The following ENKUR variants were observed in gnomAD, a reference collection of about 807,000 sequenced individuals.
ENKUR encodes enkurin, TRPC channel interacting protein.
Under a neutral mutation model 27.6 loss-of-function variants are expected in ENKUR, and 19 were observed. The observed-to-expected ratio is 0.69, with a 90% CI of 0.48 to 1.01. The LOEUF is 1.01. Among genes scored for constraint, ENKUR ranks in the 50% least tolerant of loss-of-function variants. The pLI is 0.00. For missense variants in ENKUR, 312 were observed against 310.5 expected, an observed-to-expected ratio of 1.00 and a Z score of -0.04; for synonymous variants, 117 against 96.9, an observed-to-expected ratio of 1.21 and a Z score of -1.22.
intron 2 of ENKUR, chr10:25,025,072 G>C: frequency 6.2e-7 from 1 of 1,614,184 alleles, no homozygotes; most frequent in South Asian, 1.1e-5. Context: ...TTTTGTAGCT[G>C]ACTGGTGCTC....
intron 2 of ENKUR, chr10:25,021,835 T>C (rs895546781): frequency 6.6e-6 from 1 of 152,176 alleles, no homozygotes; most frequent in Non-Finnish European, 1.5e-5. Context: ...CAGTGGAAAT[T>C]AAGCACAACA....
chr10:25,036,376 G>A (rs997410044), intron 2 of ENKUR, among the ~76,000 whole-genome samples: 5 of 152,182 alleles, frequency 3.3e-5, no homozygotes, highest in Middle Eastern at 3.2e-3. Flanking sequence ...CCCAAGCCAC[G>A]TGGAACTGTG....
intron 2 of ENKUR, among the ~76,000 whole-genome samples, chr10:25,039,843 T>G (rs1189713641): frequency 6.6e-6 from 1 of 151,622 alleles, no homozygotes; most frequent in African/African-American, 2.4e-5. Flanking sequence ...CAACTGGAGC[T>G]GGAGGATCCA....
intron 1 of ENKUR, among the ~76,000 whole-genome samples, chr10:25,003,893 T>C (rs1850252150): frequency 6.6e-6 from 1 of 152,214 alleles, no homozygotes; most frequent in Non-Finnish European, 1.5e-5. Flanking sequence ...GTTATCACCA[T>C]TTAGCTCTCA....
chr10:24,985,614 G>A (rs1418477059), intron 4 of ENKUR, among the ~76,000 whole-genome samples: 1 of 152,050 alleles, frequency 6.6e-6, no homozygotes, highest in African/African-American at 2.4e-5. Flanking sequence ...TCAAAATTAG[G>A]GATCTCTTAG....
chr10:25,043,632 G>A (rs1407541496), intron 2 of ENKUR, among the ~76,000 whole-genome samples: 1 of 151,754 alleles, frequency 6.6e-6, no homozygotes, highest in African/African-American at 2.4e-5. Flanking sequence ...CTAATGTTTT[G>A]GATCAAATTT....
At chr10:25,024,290 A>C (rs1196562715) in intron 2 of ENKUR, 16 of 1,614,222 alleles carry the variant, frequency 9.9e-6, no homozygotes, top group Non-Finnish European at 1.4e-5. Context: ...TTGTCTTTAC[A>C]GCTTATGCCT....
Position 24,999,468 on chromosome 10 carries a change from T to C in ENKUR, c.156A>G (p.Ala52=). Reference sequence around the variant, plus strand: ...CCTTTGGAGAAGGTACTTCAACTTTTGCTGGTCCCATAGTTTTCATTGCAG... The same window carrying C: ...CCTTTGGAGAAGGTACTTCAACTTTCGCTGGTCCCATAGTTTTCATTGCAG... The part of the protein sequence containing the change: ...AKTAMKTMGP[A]KVEVPSPKDF... The change falls in exon 2 of 6, where the codon GCA becomes GCG. Residue 52 remains alanine, a synonymous_variant. Coordinates refer to ENST00000331161, the MANE Select transcript of ENKUR (RefSeq NM_145010.4). The C allele has an allele frequency of 6.2e-7, 1 of 1,613,476 alleles. No homozygotes were observed. The highest frequency in any genetic ancestry group is 8.5e-7 in the Non-Finnish European group (1 of 1,179,740).
chr10:25,056,326 G>A (rs926461323), intron 2 of ENKUR, among the ~76,000 whole-genome samples: 4 of 152,210 alleles, frequency 2.6e-5, no homozygotes, highest in Admixed American at 1.3e-4. Flanking sequence ...AGCTCAATGG[G>A]AAGGTAACAG....
chr10:25,040,661 C>T (rs1032162530), intron 2 of ENKUR, among the ~76,000 whole-genome samples: 9 of 152,182 alleles, frequency 5.9e-5, no homozygotes, highest in Non-Finnish European at 1.2e-4. Flanking sequence ...TGAGCCACAG[C>T]GCCTGGCCCT....
intron 2 of ENKUR, among the ~76,000 whole-genome samples, chr10:24,997,397 C>CT (rs1367820866): frequency 4.6e-5 from 5 of 109,290 alleles, no homozygotes; most frequent in African/African-American, 1.4e-4. Flanking sequence ...TTTTTTTCCT[C>CT]TTTTTTTGAG....
rs1850561037 is a variant in ENKUR at position 25,015,998 on chromosome 10, T to G, written c.-62A>C. 1.3e-5 allele frequency: 20 copies of G among 1,560,552 alleles called. No homozygotes were observed. Among genetic ancestry groups the G allele is most frequent in the Non-Finnish European group, 1.7e-5 (20 of 1,153,866 alleles). On this transcript the variant is annotated 5_prime_UTR_variant, in exon 1 of 6. Coordinates refer to ENST00000331161, the MANE Select transcript of ENKUR (RefSeq NM_145010.4). ...ACTTTTTTCTCCCTGTCCCAGTATCTCCGTCCCTTTCTTCACTGCTTCCCC... is the reference window on the plus strand; with the variant it reads ...ACTTTTTTCTCCCTGTCCCAGTATCGCCGTCCCTTTCTTCACTGCTTCCCC...
intron 2 of ENKUR, among the ~76,000 whole-genome samples, chr10:25,039,835 A>C (rs903415950): frequency 6.6e-6 from 1 of 152,060 alleles, no homozygotes; most frequent in East Asian, 1.9e-4. Flanking sequence ...GGAAAGCTCA[A>C]CTGGAGCTGG....
chr10:25,027,902 TAAC>T (rs1456042658), intron 2 of ENKUR, among the ~76,000 whole-genome samples: 1 of 152,118 alleles, frequency 6.6e-6, no homozygotes, highest in African/African-American at 2.4e-5. Context: ...GAACTGTAGT[TAAC>T]GAGACAACGC....
At chr10:24,995,955 T>C in intron 2 of ENKUR, 86 bp from the exon 3 acceptor site, 1 of 1,102,102 alleles carries the variant, frequency 9.1e-7, no homozygotes, top group Admixed American at 2.6e-5. Flanking sequence ...ATTTCACCAC[T>C]TGTATATTGA....
chr10:25,022,274 A>G (rs1850736400), intron 2 of ENKUR, among the ~76,000 whole-genome samples: 1 of 152,174 alleles, frequency 6.6e-6, no homozygotes, highest in South Asian at 2.1e-4. Context: ...GGATGCCAGA[A>G]TAATTGTTGT....
At chr10:25,008,360 G>A (rs1167090549) in intron 1 of ENKUR, among the ~76,000 whole-genome samples, 1 of 152,168 alleles carries the variant, frequency 6.6e-6, no homozygotes, top group African/African-American at 2.4e-5. Flanking sequence ...AAGTGGGTAA[G>A]ACAAGAAACT....
intron 1 of ENKUR, among the ~76,000 whole-genome samples, chr10:25,010,687 A>G (rs1588663844): frequency 7.0e-6 from 1 of 143,352 alleles, no homozygotes; most frequent in Non-Finnish European, 1.5e-5. Context: ...GAGTGAGAAC[A>G]TGCGGTGTTT....
In ENKUR at chr10:24,982,353, T is replaced by C. The variant is rs994437641; in HGVS notation, c.*2017A>G. The C allele has an allele frequency of 6.6e-6, 1 of 152,188 alleles. No homozygotes were observed. Among genetic ancestry groups the C allele is most frequent in the African/African-American group, 2.4e-5 (1 of 41,430 alleles). 9.4% of individuals were successfully genotyped at this position (152,188 alleles called of 1,614,324 possible). On this transcript the variant is annotated 3_prime_UTR_variant, in exon 6 of 6. Coordinates refer to ENST00000331161, the MANE Select transcript of ENKUR (RefSeq NM_145010.4). ...CTCTAGTACCTCAGTACTATGGGAATGCCAGTTACAGTGGGTAGGGAAGAA... is the reference window on the plus strand; with the variant it reads ...CTCTAGTACCTCAGTACTATGGGAACGCCAGTTACAGTGGGTAGGGAAGAA...
Sources: allele counts gnomAD v4.1 joint callset (sites outside exome capture counted in the v4.1 genomes callset), GRCh38; gene constraint gnomAD v4.1.1; transcripts MANE v1.5; gene names NCBI Gene and HGNC (gene_info 2026-07-23, HGNC 2026-07-21).